The following GRM3 variants were observed in gnomAD, a reference collection of about 807,000 sequenced individuals.
GRM3 encodes the protein metabotropic glutamate receptor 3.
In GRM3, 26 loss-of-function variants were observed where a neutral mutation model predicts 70.5. That is an observed-to-expected ratio of 0.37 (90% CI 0.27 to 0.51). The LOEUF is 0.51. GRM3 is among the 20% of genes least tolerant of loss of function. The probability of loss-of-function intolerance (pLI) is 0.93; values close to 1 mark genes in which losing one functional copy is unlikely to be tolerated. For synonymous variants in GRM3, 443 were observed against 434.9 expected (o/e 1.02, Z -0.23); for missense variants, 859 against 1,123.8 (o/e 0.76, Z 3.37).
At chr7:86,755,422 G>A (rs915725432) in intron 1 of GRM3, among the ~76,000 whole-genome samples, 5 of 152,114 alleles carry the variant, frequency 3.3e-5, no homozygotes, top group African/African-American at 1.2e-4. Flanking sequence ...AGACCCTACT[G>A]TGCCAGAATC....
intron 1 of GRM3, among the ~76,000 whole-genome samples, chr7:86,710,566 T>TGGGGGGG: frequency 1.2e-4 from 1 of 8,128 alleles, no homozygotes; most frequent in African/African-American, 5.4e-4. Context: ...GTGTGTGTGG[T>TGGGGGGG]GGGGGGTGGG....
intron 1 of GRM3, among the ~76,000 whole-genome samples, chr7:86,741,856 G>T (rs184008560): frequency 6.6e-6 from 1 of 152,210 alleles, no homozygotes; most frequent in African/African-American, 2.4e-5. Context: ...ATAAAGAGCA[G>T]AGAATATATG....
chr7:86,847,179 G>C (rs897524616), intron 4 of GRM3, among the ~76,000 whole-genome samples: 2 of 152,178 alleles, frequency 1.3e-5, no homozygotes, highest in Non-Finnish European at 2.9e-5. Flanking sequence ...ATCTTCTAAA[G>C]CTCTTTGCTA....
Position 86,719,344 on chromosome 7 carries a change from A to G in GRM3, c.-140-45662A>G, listed in dbSNP as rs17160925. ...CATTCTCTGGGAAGTTTCTTCATAC[A>G]TCTATTTAGCAAAATTTTGATCATC... is the stretch of plus-strand genomic sequence containing the variant. On this transcript the variant is annotated intron_variant, in intron 1 of 5. Coordinates refer to ENST00000361669, the MANE Select transcript of GRM3 (RefSeq NM_000840.3). Among the ~76,000 whole-genome samples the G allele has an allele frequency of 8.8e-3, 1,340 of 152,080 alleles. 16 individuals are homozygous for G. Among genetic ancestry groups the G allele is most frequent in the African/African-American group, 0.031 (1,275 of 41,530 alleles).
At chr7:86,720,687 A>T (rs534498677) in intron 1 of GRM3, among the ~76,000 whole-genome samples, 46 of 152,218 alleles carry the variant, frequency 3.0e-4, no homozygotes, top group Non-Finnish European at 4.4e-4. Flanking sequence ...AGAGCAAAGC[A>T]TCAAGGTAAA....
chr7:86,653,526 G>C (rs1044531142), intron 1 of GRM3, among the ~76,000 whole-genome samples: 1 of 152,134 alleles, frequency 6.6e-6, no homozygotes, highest in African/African-American at 2.4e-5. Context: ...TGTATGAATA[G>C]ATTTTCTAGA....
At chr7:86,743,899 T>C (rs758941131) in intron 1 of GRM3, among the ~76,000 whole-genome samples, 5 of 152,154 alleles carry the variant, frequency 3.3e-5, no homozygotes, top group Non-Finnish European at 5.9e-5. Context: ...TGTGAGACTA[T>C]GATAATAAGA....
At chr7:86,762,497 A>T (rs961594312) in intron 1 of GRM3, among the ~76,000 whole-genome samples, 4 of 152,200 alleles carry the variant, frequency 2.6e-5, no homozygotes, top group African/African-American at 9.6e-5. Flanking sequence ...TGAAGTAAAC[A>T]CTGGACTAGC....
At chr7:86,765,715 A>G in intron 2 of GRM3, 102 bp downstream of exon 2, 2 of 890,348 alleles carry the variant, frequency 2.2e-6, no homozygotes, top group South Asian at 1.8e-5. Flanking sequence ...AACGGATTAT[A>G]TCAACAATGC....
intron 2 of GRM3, among the ~76,000 whole-genome samples, chr7:86,775,529 C>A (rs1229918662): frequency 6.6e-6 from 1 of 152,072 alleles, no homozygotes; most frequent in Non-Finnish European, 1.5e-5. Context: ...ATCACCAACT[C>A]TCTTTTTAAA....
At chr7:86,733,639 G>T (rs751920092) in intron 1 of GRM3, among the ~76,000 whole-genome samples, 2 of 152,206 alleles carry the variant, frequency 1.3e-5, no homozygotes, top group Non-Finnish European at 2.9e-5. Flanking sequence ...ATGAAGCAAA[G>T]ATGCAGCAGC....
chr7:86,827,593 A>C (rs1446929632), intron 3 of GRM3, among the ~76,000 whole-genome samples: 1 of 151,512 alleles, frequency 6.6e-6, no homozygotes, highest in African/African-American at 2.4e-5. Flanking sequence ...GGCTCATTGC[A>C]ACCTCTGCCT....
intron 1 of GRM3, among the ~76,000 whole-genome samples, chr7:86,760,605 A>T (rs976178011): frequency 2.0e-5 from 3 of 152,258 alleles, no homozygotes; most frequent in African/African-American, 7.2e-5. Flanking sequence ...TTACACAGAG[A>T]TAACAGTGGC....
chr7:86,734,513 A>G (rs1795811110), intron 1 of GRM3, among the ~76,000 whole-genome samples: 1 of 152,228 alleles, frequency 6.6e-6, no homozygotes, highest in African/African-American at 2.4e-5. Flanking sequence ...CCATTAATCT[A>G]TTCAGACATG....
rs747887458 is a variant in GRM3, at chr7:86,839,281, G to C, written c.1767G>C (p.Met589Ile). 6.2e-7 allele frequency: 1 copy of C among 1,613,612 alleles called. No individual in the cohort carries two copies. The highest frequency in any genetic ancestry group is 1.7e-5 in the Admixed American group (1 of 60,004). ...TCACCATTGCCTGTCTGGGTTTTAT[G>C]TGTACATGCATGGTTGTAACTGTTT... ...GPVTIACLGF[M>I]CTCMVVTVFI... The change falls in exon 4 of 6, where the codon ATG becomes ATC. Residue 589 changes from methionine (M) to isoleucine (I), a missense_variant. Transcript: ENST00000361669. The surrounding 1 kb of genome is among the most constrained non-coding windows in gnomAD (Gnocchi z 4.5).
intron 3 of GRM3, among the ~76,000 whole-genome samples, chr7:86,826,921 G>A (rs10280726): frequency 2.6e-5 from 4 of 152,046 alleles, no homozygotes; most frequent in African/African-American, 9.7e-5. Flanking sequence ...TTAATTGGCC[G>A]GTATTATGAC....
Position 86,794,410 on chromosome 7 carries a change from G to A in GRM3, c.1324+7294G>A, listed in dbSNP as rs144832942. Among the ~76,000 whole-genome samples the A allele has an allele frequency of 4.0e-3, 615 of 152,266 alleles. 2 individuals are homozygous for A. Among genetic ancestry groups the A allele is most frequent in the African/African-American group, 0.014 (573 of 41,554 alleles). On this transcript the variant is annotated intron_variant, in intron 3 of 5. Transcript: ENST00000361669. ...CTAAAGAACTTCAAACAATTATACTGTTATCCAATGGACCATGAGTGTATG... is the reference window on the plus strand; with the variant it reads ...CTAAAGAACTTCAAACAATTATACTATTATCCAATGGACCATGAGTGTATG...
intron 1 of GRM3, among the ~76,000 whole-genome samples, chr7:86,708,642 C>T (rs1020108029): frequency 1.3e-5 from 2 of 152,052 alleles, no homozygotes; most frequent in Non-Finnish European, 2.9e-5. Flanking sequence ...AAACACATTT[C>T]CTCTTGGTGC....
At chr7:86,849,120 C>T (rs1487246995) in intron 4 of GRM3, among the ~76,000 whole-genome samples, 1 of 152,148 alleles carries the variant, frequency 6.6e-6, no homozygotes, top group African/African-American at 2.4e-5. Flanking sequence ...ATATCCTTCA[C>T]ACTGGCTTCA....
Sources: gnomAD v4.1 joint callset for allele counts (sites outside exome capture counted in the v4.1 genomes callset) on GRCh38, gnomAD v4.1.1 for gene constraint, Gnocchi (gnomAD v3.1) non-coding constraint, MANE v1.5 for transcripts, NCBI Gene and HGNC (gene_info 2026-07-23, HGNC 2026-07-21) for gene names.